KNSTRN: variants seen among roughly 807,000 people sequenced by gnomAD.
KNSTRN encodes small kinetochore-associated protein.
A neutral mutation model predicts 44.7 loss-of-function variants in KNSTRN; 38 were observed. The ratio of observed to expected loss-of-function variants is 0.85; its 90% CI spans 0.66 to 1.11. The LOEUF is 1.11. KNSTRN is among the 50% of genes most tolerant of loss of function. The pLI is 0.00. For missense variants in KNSTRN, 406 were observed against 375.8 expected, an observed-to-expected ratio of 1.08 and a Z score of -0.66; for synonymous variants, 158 against 148.1, an observed-to-expected ratio of 1.07 and a Z score of -0.48.
chr15:40,390,796 G>C (rs920653944), intron 6 of KNSTRN, among the ~76,000 whole-genome samples: 1 of 151,928 alleles, frequency 6.6e-6, no homozygotes, highest in Admixed American at 6.6e-5. Flanking sequence ...TGTATTTTTA[G>C]TAGAGATGGG....
intron 7 of KNSTRN, 132 bp from the exon 8 acceptor site, chr15:40,391,816 TC>T: frequency 1.3e-6 from 1 of 749,708 alleles, no homozygotes; most frequent in Non-Finnish European, 2.2e-6. Context: ...TTCTCGTTCT[TC>T]TGTTCTATAC....
chr15:40,393,730 A>C lies in KNSTRN; in HGVS notation c.*133A>C. 1.2e-6 allele frequency: 1 copy of C among 835,028 alleles called. No homozygotes were observed. Among genetic ancestry groups the C allele is most frequent in the South Asian group, 1.8e-5 (1 of 55,200 alleles). The allele number at this position is 835,028 out of a possible 1,614,324, so 51.7% of individuals were successfully genotyped here. A position where few individuals can be genotyped will look rare whatever the true frequency, so the allele number is the denominator to read the frequency against. On this transcript the variant is annotated 3_prime_UTR_variant, in exon 9 of 9. Coordinates refer to ENST00000249776, the MANE Select transcript of KNSTRN (RefSeq NM_033286.4). ...GAAAACAATTTCTACAGTAGACTTA[A>C]GGACAGTTTATGCTGAAATGGCAAT...
intron 5 of KNSTRN, 101 bp downstream of exon 5, chr15:40,389,712 A>G (rs1164768553): frequency 2.3e-6 from 3 of 1,294,210 alleles, no homozygotes; most frequent in Middle Eastern, 1.9e-4. Context: ...TAATGCACAG[A>G]TGCCCAAGGG....
At chr15:40,386,034 G>A (rs1322162969) in intron 2 of KNSTRN, among the ~76,000 whole-genome samples, 4 of 152,160 alleles carry the variant, frequency 2.6e-5, no homozygotes, top group Non-Finnish European at 2.9e-5. Flanking sequence ...CCAGGAGTTC[G>A]AGACCAGGCT....
chr15:40,389,858 A>T lies in KNSTRN; in HGVS notation c.614A>T (p.Gln205Leu). ...ETQGELKDLT[Q>L]KVELLEKFRD... ...TAGGGAGAGCTGAAGGACCTGACCCAGAAGGTAGAGCTGCTGGAGAAGTTT... is the reference window on the plus strand; with the variant it reads ...TAGGGAGAGCTGAAGGACCTGACCCTGAAGGTAGAGCTGCTGGAGAAGTTT... The change falls in exon 6 of 9, where the codon CAG becomes CTG. Residue 205 changes from glutamine to leucine, a missense_variant. Physicochemically the swap from Gln to Leu is moderately radical, Grantham distance 113 (BLOSUM62 -2). Transcript: ENST00000249776. The T allele has an allele frequency of 1.2e-6, 2 of 1,614,236 alleles. No individual in the cohort carries two copies. The highest frequency in any genetic ancestry group is 2.7e-5 in the African/African-American group (2 of 75,066).
In KNSTRN at chr15:40,382,811, C is replaced by A. The variant is rs1566921341; in HGVS notation, c.-25C>A. ...CACCTTTCGCTAGGTCTGGCTCTGG[C>A]CTCTGAGCGAACCTTCCGTACAGTA... On this transcript the variant is annotated 5_prime_UTR_variant, in exon 1 of 9. Coordinates refer to ENST00000249776, the MANE Select transcript of KNSTRN (RefSeq NM_033286.4). 4 of 1,601,440 alleles carry A rather than the reference C, an allele frequency of 2.5e-6. No individual in the cohort carries two copies. The highest frequency in any genetic ancestry group is 3.4e-6 in the Non-Finnish European group (4 of 1,174,214).
At chr15:40,386,580 C>T (rs1346429489) in intron 3 of KNSTRN, 86 bp downstream of exon 3, 3 of 1,428,538 alleles carry the variant, frequency 2.1e-6, no homozygotes, top group East Asian at 4.7e-5. Context: ...TTTTGGACAA[C>T]ACAAGTCTCC....
In KNSTRN at chr15:40,394,127, A is replaced by G. The variant is rs1407881761; in HGVS notation, c.*530A>G. On this transcript the variant is annotated 3_prime_UTR_variant, in exon 9 of 9. Transcript: ENST00000249776. ...TTGCTTGAAGTGTTTTGGGCTTAATAAATGGGGTGAAAGTATAGGTAGCAG... is the reference window on the plus strand; with the variant it reads ...TTGCTTGAAGTGTTTTGGGCTTAATGAATGGGGTGAAAGTATAGGTAGCAG... 1 of 152,402 alleles carries G rather than the reference A, an allele frequency of 6.6e-6. No individual in the cohort carries two copies. Among genetic ancestry groups the G allele is most frequent in the African/African-American group, 2.4e-5 (1 of 41,462 alleles). 9.4% of individuals were successfully genotyped at this position (152,402 alleles called of 1,614,324 possible).
Position 40,393,451 on chromosome 15 carries a change from G to T in KNSTRN, c.823-18G>T, listed in dbSNP as rs769806376. The T allele has an allele frequency of 1.2e-6, 2 of 1,607,540 alleles. No individual in the cohort carries two copies. Among genetic ancestry groups the T allele is most frequent in the East Asian group, 2.2e-5 (1 of 44,850 alleles). On this transcript the variant is annotated intron_variant, in intron 8 of 8. Transcript: ENST00000249776. ...TTTGTGTATGTGTTGTTTTCTTTTG[G>T]AATGTCTTTCCATGCAGGCCTTAAA...
intron 8 of KNSTRN, 88 bp from the exon 9 acceptor site, chr15:40,393,381 C>G (rs1171766508): frequency 1.3e-6 from 2 of 1,590,636 alleles, no homozygotes; most frequent in African/African-American, 2.7e-5. Flanking sequence ...GGAATAGGAG[C>G]ATAATGTTCT....
In KNSTRN at chr15:40,393,551, A is replaced by G; in HGVS notation, c.905A>G (p.Asp302Gly). 2 of 1,614,110 alleles carry G rather than the reference A, an allele frequency of 1.2e-6. No individual in the cohort carries two copies. The highest frequency in any genetic ancestry group is 1.7e-6 in the Non-Finnish European group (2 of 1,179,998). The part of the protein sequence containing the change: ...QQTLCNNQVN[D>G]LTTALKEMEQ... ...ACCTTATGTAACAATCAAGTAAATG[A>G]TTTAACAACAGCCCTTAAGGAAATG... Residue 302 changes from aspartate to glycine, a missense_variant, in exon 9 of 9, where the codon GAT (aspartate) becomes GGT (glycine). Coordinates refer to ENST00000249776, the MANE Select transcript of KNSTRN (RefSeq NM_033286.4).
At chr15:40,392,533 A>C (rs1048718380) in intron 8 of KNSTRN, among the ~76,000 whole-genome samples, 7 of 152,302 alleles carry the variant, frequency 4.6e-5, no homozygotes, top group African/African-American at 1.4e-4. Flanking sequence ...TACAAAATAA[A>C]ATTTAGAAAA....
At chr15:40,388,122 C>T (rs1045742400) in intron 4 of KNSTRN, among the ~76,000 whole-genome samples, 10 of 152,146 alleles carry the variant, frequency 6.6e-5, no homozygotes, top group Non-Finnish European at 1.5e-4. Flanking sequence ...CCTAACCCAG[C>T]GGCGCTAGAG....
chr15:40,389,977 T>C (rs1344567505), intron 6 of KNSTRN, 48 bp downstream of exon 6: 2 of 1,470,580 alleles, frequency 1.4e-6, no homozygotes, highest in Non-Finnish European at 1.9e-6. Flanking sequence ...TTGGTGCATG[T>C]GCCCCTTCCG....
chr15:40,387,678 T>G (rs1889925141), intron 4 of KNSTRN, among the ~76,000 whole-genome samples: 1 of 152,130 alleles, frequency 6.6e-6, no homozygotes, highest in Admixed American at 6.6e-5. Flanking sequence ...ACAAATAGGT[T>G]TTAGTTCCAG....
chr15:40,393,547 AATG>A lies in KNSTRN; in HGVS notation c.904_906del (p.Asp302del). 1 of 1,614,110 alleles carries A rather than the reference AATG, an allele frequency of 6.2e-7. No homozygotes were observed. Among genetic ancestry groups the A allele is most frequent in the Non-Finnish European group, 8.5e-7 (1 of 1,180,002 alleles). On this transcript the variant is annotated inframe_deletion, in exon 9 of 9. Coordinates refer to ENST00000249776, the MANE Select transcript of KNSTRN (RefSeq NM_033286.4). ...GCAAACCTTATGTAACAATCAAGTA[AATG>A]ATTTAACAACAGCCCTTAAGGAAAT...
At chr15:40,385,552 A>G (rs1218870526) in intron 2 of KNSTRN, among the ~76,000 whole-genome samples, 2 of 152,248 alleles carry the variant, frequency 1.3e-5, no homozygotes, top group Non-Finnish European at 2.9e-5. Context: ...ACAAGCAGTT[A>G]TTGAACCCCT....
intron 8 of KNSTRN, among the ~76,000 whole-genome samples, chr15:40,392,936 C>T (rs1890026035): frequency 6.6e-6 from 1 of 152,032 alleles, no homozygotes. Context: ...AAAAAACAGA[C>T]CAACATCAGT....
chr15:40,386,744 C>T (rs781492109), intron 3 of KNSTRN: 5 of 530,244 alleles, frequency 9.4e-6, no homozygotes, highest in Non-Finnish European at 1.7e-5. Context: ...ATACAAGTGG[C>T]AGCACTGTAG....
Sources: gnomAD v4.1 joint callset for allele counts (sites outside exome capture counted in the v4.1 genomes callset) on GRCh38, gnomAD v4.1.1 for gene constraint, MANE v1.5 for transcripts, NCBI Gene and HGNC (gene_info 2026-07-23, HGNC 2026-07-21) for gene names.